RBFOX3: variants seen among roughly 807,000 people sequenced by gnomAD.
RBFOX3 encodes RNA binding protein fox-1 homolog 3.
A neutral mutation model predicts 48.7 loss-of-function variants in RBFOX3; 17 were observed. The ratio of observed to expected loss-of-function variants is 0.35; its 90% CI spans 0.24 to 0.52. The LOEUF is 0.52. RBFOX3 is among the 20% of genes least tolerant of loss of function. The pLI, the probability that RBFOX3 is intolerant of heterozygous loss-of-function variation, is 0.94. For synonymous variants in RBFOX3, 212 were observed against 209.5 expected, an observed-to-expected ratio of 1.01 and a Z score of -0.10; for missense variants, 382 against 497.5, an observed-to-expected ratio of 0.77 and a Z score of 2.21.
the RBFOX3 span, among the ~76,000 whole-genome samples, chr17:79,664,377 G>T: frequency 6.8e-6 from 1 of 146,060 alleles, no homozygotes; most frequent in South Asian, 2.2e-4. Context: ...ATGGAGTCTC[G>T]CTCTGTCGCC....
At chr17:79,408,304 G>C (rs2063818493) in intron 2 of RBFOX3, among the ~76,000 whole-genome samples, 1 of 152,146 alleles carries the variant, frequency 6.6e-6, no homozygotes, top group Non-Finnish European at 1.5e-5. Flanking sequence ...ACCCAAGCGA[G>C]ACCAGTGGGA....
chr17:79,160,316 A>G (rs2046723223), intron 4 of RBFOX3, among the ~76,000 whole-genome samples: 1 of 152,228 alleles, frequency 6.6e-6, no homozygotes, highest in African/African-American at 2.4e-5. Flanking sequence ...TGCAGGCACT[A>G]AGGCAAGGCA....
rs1341804990 is a variant in RBFOX3 at position 79,205,447 on chromosome 17, T to C, written c.-34+30319A>G. On this transcript the variant is annotated intron_variant, in intron 4 of 14. Coordinates refer to ENST00000693108, the MANE Select transcript of RBFOX3 (RefSeq NM_001350451.2). The surrounding 1 kb of genome is among the most constrained non-coding windows in gnomAD (Gnocchi z 4.5). ...GCTACACTTAGCATCTAGCATAACC[T>C]GAATATGAGTTCCCTGACGTAGGAG... Among the ~76,000 whole-genome samples the C allele has an allele frequency of 6.6e-6, 1 of 152,104 alleles. No individual in the cohort carries two copies. The highest frequency in any genetic ancestry group is 1.5e-5 in the Non-Finnish European group (1 of 68,018).
At chr17:79,370,823 C>T (rs2058436631) in intron 2 of RBFOX3, among the ~76,000 whole-genome samples, 1 of 152,196 alleles carries the variant, frequency 6.6e-6, no homozygotes, top group Non-Finnish European at 1.5e-5. Flanking sequence ...CACACACAAG[C>T]TCACTCACAT....
At chr17:79,143,815 A>AC (rs1426979083) in intron 4 of RBFOX3, among the ~76,000 whole-genome samples, 2 of 151,692 alleles carry the variant, frequency 1.3e-5, no homozygotes, top group African/African-American at 4.8e-5. Context: ...ACTCATGAAG[A>AC]CCCCCTCCAT....
intron 2 of RBFOX3, among the ~76,000 whole-genome samples, chr17:79,409,821 C>G (rs574082946): frequency 6.6e-6 from 1 of 152,234 alleles, no homozygotes; most frequent in African/African-American, 2.4e-5. Flanking sequence ...AGGGGGCCAG[C>G]TCTAGGGATG....
chr17:79,518,140 G>A (rs2085516354), intron 1 of RBFOX3, among the ~76,000 whole-genome samples: 1 of 152,302 alleles, frequency 6.6e-6, no homozygotes, highest in African/African-American at 2.4e-5. Flanking sequence ...CTGAGCTATG[G>A]AAACAATTAA....
intron 4 of RBFOX3, among the ~76,000 whole-genome samples, chr17:79,188,880 T>C (rs2053943387): frequency 6.6e-6 from 1 of 152,276 alleles, no homozygotes; most frequent in Non-Finnish European, 1.5e-5. Flanking sequence ...AAGCTCCTGC[T>C]GCATCTGGGC....
intron 4 of RBFOX3, among the ~76,000 whole-genome samples, chr17:79,152,218 C>T (rs1357862232): frequency 1.3e-5 from 2 of 152,110 alleles, no homozygotes; most frequent in Non-Finnish European, 2.9e-5. Context: ...GGTCTCAAGC[C>T]ATGTCCAAGC....
chr17:79,587,740 C>A (rs1293960425), intron 1 of RBFOX3, among the ~76,000 whole-genome samples: 1 of 152,254 alleles, frequency 6.6e-6, no homozygotes, highest in South Asian at 2.1e-4. Context: ...GGACCTTGAT[C>A]GAGGTCCCAC....
chr17:79,230,641 G>A (rs1424157546), intron 4 of RBFOX3, among the ~76,000 whole-genome samples: 3 of 152,114 alleles, frequency 2.0e-5, no homozygotes, highest in Non-Finnish European at 2.9e-5. Context: ...GCTAAGTTCC[G>A]GCTCCTGCAG....
At chr17:79,097,891 C>A in intron 9 of RBFOX3, 146 bp from the exon 10 acceptor site, 1 of 770,606 alleles carries the variant, frequency 1.3e-6, no homozygotes, top group Non-Finnish European at 2.2e-6. Flanking sequence ...CTTTCCCACA[C>A]TGCCCGGACA....
At chr17:79,389,689 A>G (rs2148148854) in intron 2 of RBFOX3, among the ~76,000 whole-genome samples, 1 of 152,312 alleles carries the variant, frequency 6.6e-6, no homozygotes, top group African/African-American at 2.4e-5. Context: ...GGGACAGACG[A>G]CATGCCTTTC....
intron 2 of RBFOX3, among the ~76,000 whole-genome samples, chr17:79,451,798 C>T (rs1555741801): frequency 6.6e-6 from 1 of 152,244 alleles, no homozygotes. Flanking sequence ...ATCAGATCAT[C>T]ATGAGTACTG....
intron 4 of RBFOX3, among the ~76,000 whole-genome samples, chr17:79,142,436 T>C (rs1047484968): frequency 6.6e-6 from 1 of 152,140 alleles, no homozygotes; most frequent in African/African-American, 2.4e-5. Flanking sequence ...GGCTGAGCAC[T>C]AATGGAATTT....
intron 1 of RBFOX3, among the ~76,000 whole-genome samples, chr17:79,508,377 G>A (rs1161534488): frequency 2.6e-5 from 4 of 152,266 alleles, no homozygotes; most frequent in African/African-American, 4.8e-5. Flanking sequence ...GTCCTGAGCC[G>A]CCAGCCCAGC....
intron 3 of RBFOX3, among the ~76,000 whole-genome samples, chr17:79,275,578 C>T (rs796552005): frequency 6.6e-5 from 10 of 152,278 alleles, no homozygotes; most frequent in African/African-American, 2.4e-4. Context: ...GGGTGAGGGC[C>T]CCTCCCCAAT....
the RBFOX3 span, among the ~76,000 whole-genome samples, chr17:79,658,881 C>A: frequency 5.9e-5 from 9 of 152,326 alleles, no homozygotes; most frequent in African/African-American, 2.2e-4. Context: ...AACAAGATAA[C>A]CTCCATTTGC....
At chr17:79,277,270 C>A (rs1344907752) in intron 3 of RBFOX3, among the ~76,000 whole-genome samples, 1 of 37,602 alleles carries the variant, frequency 2.7e-5, no homozygotes, top group Admixed American at 2.3e-4. Context: ...AGCTCCAAGG[C>A]CTCCAAGGCC....
Sources: allele counts gnomAD v4.1 joint callset (sites outside exome capture counted in the v4.1 genomes callset), GRCh38; gene constraint gnomAD v4.1.1; non-coding constraint Gnocchi (gnomAD v3.1); transcripts MANE v1.5; gene names NCBI Gene and HGNC (gene_info 2026-07-23, HGNC 2026-07-21).